CCDC88C: variants seen among roughly 807,000 people sequenced by gnomAD.
CCDC88C encodes coiled-coil and HOOK domain protein 88C, also known as protein Daple.
CCDC88C carries 131 observed loss-of-function variants against 198.8 expected under a neutral mutation model. That is an observed-to-expected ratio of 0.66 (90% CI 0.57 to 0.76). The LOEUF (loss-of-function observed/expected upper bound fraction) is 0.76, where lower values mean the gene tolerates loss of function less well. CCDC88C is among the 30% of genes least tolerant of loss of function. CCDC88C has a pLI of 0.00. For synonymous variants in CCDC88C, 1,166 were observed against 1,114.7 expected (o/e 1.05, Z -0.92); for missense variants, 2,553 against 2,631.6 (o/e 0.97, Z 0.65).
chr14:91,301,919 C>T (rs1373197831), intron 20 of CCDC88C, among the ~76,000 whole-genome samples: 1 of 152,040 alleles, frequency 6.6e-6, no homozygotes, highest in Non-Finnish European at 1.5e-5. Flanking sequence ...AAATGTCACA[C>T]AAATAACAAG....
intron 20 of CCDC88C, among the ~76,000 whole-genome samples, chr14:91,301,622 T>A (rs1424167137): frequency 6.6e-6 from 1 of 151,972 alleles, no homozygotes; most frequent in Non-Finnish European, 1.5e-5. Flanking sequence ...GAGGCTGAAG[T>A]AGGAGGATTG....
intron 2 of CCDC88C, 72 bp from the exon 3 acceptor site, chr14:91,408,839 C>T: frequency 1.0e-6 from 1 of 989,280 alleles, no homozygotes; most frequent in Non-Finnish European, 1.6e-6. Context: ...CAGCCACGAC[C>T]CAGCATCTTG....
At chr14:91,346,256 G>A (rs1456728609) in intron 4 of CCDC88C, among the ~76,000 whole-genome samples, 4 of 152,194 alleles carry the variant, frequency 2.6e-5, no homozygotes, top group African/African-American at 9.6e-5. Flanking sequence ...GGGAACTGGG[G>A]GTTCACTGAA....
chr14:91,350,032 C>A (rs926506298), intron 4 of CCDC88C, among the ~76,000 whole-genome samples: 8 of 149,150 alleles, frequency 5.4e-5, no homozygotes, highest in Non-Finnish European at 7.4e-5. Context: ...CCTCCACAGA[C>A]TACCAGTTAA....
At chr14:91,347,367 A>G (rs1303296021) in intron 4 of CCDC88C, among the ~76,000 whole-genome samples, 1 of 152,200 alleles carries the variant, frequency 6.6e-6, no homozygotes, top group Non-Finnish European at 1.5e-5. Context: ...AAGGGAGGAA[A>G]GTGCTAGAGA....
chr14:91,356,323 G>A (rs1272550220), intron 4 of CCDC88C, among the ~76,000 whole-genome samples: 1 of 152,196 alleles, frequency 6.6e-6, no homozygotes, highest in Admixed American at 6.5e-5. Context: ...GCCCTGACAC[G>A]TTGCCCTCTG....
intron 3 of CCDC88C, among the ~76,000 whole-genome samples, chr14:91,406,662 G>A (rs1301256083): frequency 1.3e-5 from 2 of 152,232 alleles, no homozygotes; most frequent in African/African-American, 2.4e-5. Flanking sequence ...TGCCTGTCAC[G>A]AATGGCACCT....
Position 91,343,381 on chromosome 14 carries a change from G to A in CCDC88C, c.399+218C>T, listed in dbSNP as rs1004034769. On this transcript the variant is annotated intron_variant, in intron 5 of 29. Transcript: ENST00000389857. Reference sequence around the variant, plus strand: ...ATTTGCTAATGGTACCCTGGCCTGAGGGATCCCCATCTCGCCTCCTGCCCA... The same window carrying A: ...ATTTGCTAATGGTACCCTGGCCTGAAGGATCCCCATCTCGCCTCCTGCCCA... 2.0e-5 allele frequency among the ~76,000 whole-genome samples: 3 copies of A among 152,312 alleles called. No individual in the cohort carries two copies. In the East Asian group the frequency reaches 5.8e-4, roughly 29 times the overall value.
rs1325888824 is a variant in CCDC88C at position 91,338,489 on chromosome 14, C to T, written c.891G>A (p.Glu297=). The change falls in exon 9 of 30, where the codon GAG becomes GAA. Residue 297 remains glutamate (E), a splice_region_variant and synonymous_variant. Coordinates refer to ENST00000389857, the MANE Select transcript of CCDC88C (RefSeq NM_001080414.4). The surrounding 1 kb of genome is among the most constrained non-coding windows in gnomAD (Gnocchi z 4.8). ...ACACAGGCTCAGGCCCCCGACTCACCTCCTGCTTAACTTTCTGCAGTTCCA... is the reference window on the plus strand; with the variant it reads ...ACACAGGCTCAGGCCCCCGACTCACTTCCTGCTTAACTTTCTGCAGTTCCA... ...LVLELQKVKQ[E]NIQLAADARS... is the part of the protein sequence containing the mutation. 6.4e-7 allele frequency: 1 copy of T among 1,563,756 alleles called. No individual in the cohort carries two copies. Among genetic ancestry groups the T allele is most frequent in the African/African-American group, 1.4e-5 (1 of 73,458 alleles).
Position 91,281,240 on chromosome 14 carries a change from G to A in CCDC88C, c.4699+217C>T, listed in dbSNP as rs185234790. ...AGGAGAGGTCGGTGCTTCCAGAACT[G>A]TGATGCTTGGGAGGTAGCGAATTCC... On this transcript the variant is annotated intron_variant, in intron 27 of 29. Transcript: ENST00000389857. 933 of 1,247,718 alleles carry A rather than the reference G, an allele frequency of 7.5e-4. 5 individuals carry two copies. The Middle Eastern group carries it at 9.6e-3, about 13-fold the overall frequency. 77.3% of individuals were successfully genotyped at this position (1,247,718 alleles called of 1,614,324 possible).
intron 22 of CCDC88C, among the ~76,000 whole-genome samples, chr14:91,295,572 C>T (rs1419664399): frequency 6.6e-6 from 1 of 152,216 alleles, no homozygotes; most frequent in Non-Finnish European, 1.5e-5. Flanking sequence ...ATCCTGAGGG[C>T]CAGTGCATCC....
chr14:91,276,958 T>C (rs1889992791), intron 29 of CCDC88C, among the ~76,000 whole-genome samples: 1 of 152,192 alleles, frequency 6.6e-6, no homozygotes, highest in African/African-American at 2.4e-5. Context: ...GAATAGTTGC[T>C]ACATTTTTAT....
At chr14:91,394,338 T>G (rs929022345) in intron 3 of CCDC88C, among the ~76,000 whole-genome samples, 2 of 152,210 alleles carry the variant, frequency 1.3e-5, no homozygotes, top group East Asian at 1.9e-4. Flanking sequence ...CATACCGGTT[T>G]ACCCCTGTTT....
At position 91,272,247 on chromosome 14, in the gene CCDC88C, A is replaced by AGTGT. The variant is rs1318346120; in HGVS notation, c.*374_*377dup. The AGTGT allele has an allele frequency of 5.3e-6, 1 of 187,784 alleles. No homozygotes were observed. The highest frequency in any genetic ancestry group is 1.0e-4 in the South Asian group (1 of 9,570). 11.6% of individuals were successfully genotyped at this position (187,784 alleles called of 1,614,324 possible). ...CTGAGCCTCGTAAGCCTGTTGTGTG[A>AGTGT]GTGTGTGTGTGCTTAACGGAGCTCA... On this transcript the variant is annotated 3_prime_UTR_variant, in exon 30 of 30. Coordinates refer to ENST00000389857, the MANE Select transcript of CCDC88C (RefSeq NM_001080414.4).
At chr14:91,393,126 C>T (rs1406234090) in intron 3 of CCDC88C, among the ~76,000 whole-genome samples, 1 of 152,106 alleles carries the variant, frequency 6.6e-6, no homozygotes, top group African/African-American at 2.4e-5. Flanking sequence ...CTCTCAGAAT[C>T]ACTGCAACCC....
intron 3 of CCDC88C, among the ~76,000 whole-genome samples, chr14:91,400,691 G>A (rs560108252): frequency 6.6e-6 from 1 of 152,178 alleles, no homozygotes; most frequent in Non-Finnish European, 1.5e-5. Flanking sequence ...GCAGGGACTC[G>A]AGAATCTTCA....
rs1291513215 is a variant in CCDC88C, at chr14:91,278,040, T to C, written c.4940A>G (p.Gln1647Arg). The C allele has an allele frequency of 6.2e-7, 1 of 1,607,610 alleles. No homozygotes were observed. Among genetic ancestry groups the C allele is most frequent in the African/African-American group, 1.3e-5 (1 of 74,928 alleles). ...RNGPLPQEGA[Q>R]KRGTAPPYVG... Reference sequence around the variant, plus strand: ...GTAGGGAGGGGCTGTGCCCCTCTTCTGGGCACCCTCCTGTGGGAGAGGCCC... The same window carrying C: ...GTAGGGAGGGGCTGTGCCCCTCTTCCGGGCACCCTCCTGTGGGAGAGGCCC... The change falls in exon 29 of 30, where the codon CAG becomes CGG. Residue 1647 changes from glutamine to arginine, a missense_variant. Physicochemically the swap from Gln to Arg is conservative, Grantham distance 43. Coordinates refer to ENST00000389857, the MANE Select transcript of CCDC88C (RefSeq NM_001080414.4).
At position 91,313,822 on chromosome 14, in the gene CCDC88C, T is replaced by G. The variant is rs781016110; in HGVS notation, c.1994A>C (p.Glu665Ala). The G allele has an allele frequency of 6.2e-7, 1 of 1,602,682 alleles. No homozygotes were observed. Among genetic ancestry groups the G allele is most frequent in the Non-Finnish European group, 8.5e-7 (1 of 1,176,888 alleles). ...ETATEKVEAL[E>A]HESQGLQLEN... ...CAGCTGCAGGCCCTGGCTCTCATGC[T>G]CCAGGGCCTCGACTTTCTCGGTGGC... Residue 665 changes from glutamate to alanine, a missense_variant, in exon 15 of 30, where the codon GAG (glutamate) becomes GCG (alanine). Glu to Ala is a moderately radical substitution (Grantham distance 107). This residue lies in a region of CCDC88C where 1,260 missense variants were observed against 1,412.0 expected (regional missense o/e 0.89). Transcript: ENST00000389857. This position sits in a 1 kb window ranked among gnomAD's most constrained non-coding sequence, Gnocchi z 5.2.
At position 91,361,120 on chromosome 14, in the gene CCDC88C, C is replaced by T. The variant is rs1384415776; in HGVS notation, c.271-1409G>A. Among the ~76,000 whole-genome samples the T allele has an allele frequency of 3.4e-4, 49 of 145,968 alleles. 2 individuals carry two copies. In the South Asian group the frequency reaches 9.6e-3, roughly 29 times the overall value. ...ACTCCAGCCTGGGTGACGAGTAAAACCCTGTCTATAAAAAAAAAAAAAAAA... is the reference window on the plus strand; with the variant it reads ...ACTCCAGCCTGGGTGACGAGTAAAATCCTGTCTATAAAAAAAAAAAAAAAA... On this transcript the variant is annotated intron_variant, in intron 3 of 29. Transcript: ENST00000389857.
Sources: gnomAD v4.1 joint callset for allele counts (sites outside exome capture counted in the v4.1 genomes callset) on GRCh38, gnomAD v4.1.1 for gene constraint, gnomAD v4.1.1 regional missense constraint, Gnocchi (gnomAD v3.1) non-coding constraint, MANE v1.5 for transcripts, NCBI Gene and HGNC (gene_info 2026-07-23, HGNC 2026-07-21) for gene names.